Variants in ROCK2 observed in about 807,000 individuals in gnomAD.
ROCK2 encodes rho-associated protein kinase 2.
Under a neutral mutation model 195.1 loss-of-function variants are expected in ROCK2, and 61 were observed. That is an observed-to-expected ratio of 0.31 (90% CI 0.25 to 0.39). The LOEUF (loss-of-function observed/expected upper bound fraction) is 0.39, where lower values mean the gene tolerates loss of function less well. Among genes scored for constraint, ROCK2 ranks in the 10% least tolerant of loss-of-function variants. The pLI, the probability that ROCK2 is intolerant of heterozygous loss-of-function variation, is 1.00. For missense variants in ROCK2, 1,109 were observed against 1,637.4 expected (o/e 0.68, Z 5.57); for synonymous variants, 504 against 545.5 (o/e 0.92, Z 1.06).
chr2:11,190,192 A>C (rs1663363612), intron 32 of ROCK2, among the ~76,000 whole-genome samples: 1 of 152,142 alleles, frequency 6.6e-6, no homozygotes, highest in African/African-American at 2.4e-5. Flanking sequence ...AATGTATTAA[A>C]TGAATTTTTT....
At chr2:11,244,742 C>A (rs1665553533) in intron 4 of ROCK2, among the ~76,000 whole-genome samples, 1 of 150,310 alleles carries the variant, frequency 6.7e-6, no homozygotes, top group Non-Finnish European at 1.5e-5. Flanking sequence ...ACAGCCTGGG[C>A]AACAGAGTGA....
intron 9 of ROCK2, among the ~76,000 whole-genome samples, chr2:11,220,800 TC>T (rs1572262440): frequency 6.6e-6 from 1 of 152,272 alleles, no homozygotes; most frequent in East Asian, 1.9e-4. Context: ...GACCTATTTC[TC>T]CCTACTCCCA....
In ROCK2 at chr2:11,216,220, G is replaced by A. The variant is rs779150941; in HGVS notation, c.1413-14C>T. 1 of 1,572,794 alleles carries A rather than the reference G, an allele frequency of 6.4e-7. No homozygotes were observed. Among genetic ancestry groups the A allele is most frequent in the Non-Finnish European group, 8.7e-7 (1 of 1,143,892 alleles). The stretch of plus-strand genomic sequence containing the variant: ...GTATTAACAGATCTAAAGAATTTCA[G>A]AAAGAAACAGTAAATAACTTCTAAT... On this transcript the variant is annotated splice_polypyrimidine_tract_variant and intron_variant, in intron 12 of 32. Coordinates refer to ENST00000315872, the MANE Select transcript of ROCK2 (RefSeq NM_004850.5).
intron 3 of ROCK2, among the ~76,000 whole-genome samples, chr2:11,273,915 C>G (rs1223794383): frequency 8.2e-6 from 1 of 122,530 alleles, no homozygotes; most frequent in Admixed American, 1.0e-4. Context: ...GGTGACAGAG[C>G]AAGACTCCAT....
rs1464544124 is a variant in ROCK2 at position 11,208,284 on chromosome 2, T to TA, written c.2364+2dup. 7.1e-7 allele frequency: 1 copy of TA among 1,409,272 alleles called. No individual in the cohort carries two copies. The highest frequency in any genetic ancestry group is 9.4e-7 in the Non-Finnish European group (1 of 1,060,760). The allele number at this position is 1,409,272 out of a possible 1,614,324, so 87.3% of individuals were successfully genotyped here. A position where few individuals can be genotyped will look rare whatever the true frequency, so the allele number is the denominator to read the frequency against. On this transcript the variant is annotated splice_region_variant and intron_variant, in intron 19 of 32. Coordinates refer to ENST00000315872, the MANE Select transcript of ROCK2 (RefSeq NM_004850.5). ...ATTAATCATTAGTACACTTAATACT[T>TA]ACATCCTCATTTAGCACATCTTTCT...
In ROCK2 at chr2:11,222,102, A is replaced by G; in HGVS notation, c.1080T>C (p.His360=). The G allele has an allele frequency of 6.2e-7, 1 of 1,606,446 alleles. No individual in the cohort carries two copies. The highest frequency in any genetic ancestry group is 8.5e-7 in the Non-Finnish European group (1 of 1,173,558). Residue 360 remains histidine (H), a synonymous_variant, in exon 8 of 33, where the codon CAT becomes CAC. Transcript: ENST00000315872. The part of the protein sequence containing the change: ...QHPFFKNDQW[H]WDNIRETAAP... Reference sequence around the variant, plus strand: ...ACTTACTTTCTCTTATGTTATCCCAATGCCACTGATCATTCTTAAAGAAAG... The same window carrying G: ...ACTTACTTTCTCTTATGTTATCCCAGTGCCACTGATCATTCTTAAAGAAAG...
chr2:11,275,204 C>T (rs377416272), intron 3 of ROCK2, among the ~76,000 whole-genome samples: 7 of 151,906 alleles, frequency 4.6e-5, no homozygotes, highest in Middle Eastern at 3.4e-3. Flanking sequence ...TTGCAGTGAG[C>T]CGTAATCGTG....
intron 3 of ROCK2, among the ~76,000 whole-genome samples, chr2:11,265,281 G>T (rs1033015352): frequency 1.3e-5 from 2 of 152,062 alleles, no homozygotes; most frequent in Admixed American, 1.3e-4. Context: ...TCAGAAATGG[G>T]CAAGTTGGAA....
chr2:11,197,369 A>G lies in ROCK2; in HGVS notation c.3280-21T>C, dbSNP rs754480980. On this transcript the variant is annotated intron_variant, in intron 26 of 32. Transcript: ENST00000315872. The surrounding 1 kb of genome is among the most constrained non-coding windows in gnomAD (Gnocchi z 4.9). ...ATTTGCTATAAGAAATTTAATTACA[A>G]TAAGTTAATTGGATGCAACATAACT... 1.1e-5 allele frequency: 17 copies of G among 1,604,984 alleles called. No homozygotes were observed. The highest frequency in any genetic ancestry group is 8.9e-5 in the East Asian group (4 of 44,856).
chr2:11,319,991 T>C (rs959903683), intron 1 of ROCK2, among the ~76,000 whole-genome samples: 2 of 152,190 alleles, frequency 1.3e-5, no homozygotes, highest in Non-Finnish European at 2.9e-5. Flanking sequence ...ATCAGGGACC[T>C]AAGCTCCTCA....
intron 32 of ROCK2, among the ~76,000 whole-genome samples, chr2:11,185,291 T>C (rs1445350549): frequency 6.6e-6 from 1 of 152,188 alleles, no homozygotes; most frequent in Non-Finnish European, 1.5e-5. Flanking sequence ...TATGAAAAAC[T>C]AGGGACAAGG....
chr2:11,324,457 A>G (rs1227966596), intron 1 of ROCK2, among the ~76,000 whole-genome samples: 2 of 152,218 alleles, frequency 1.3e-5, no homozygotes, highest in African/African-American at 4.8e-5. Context: ...AAACAAACTT[A>G]TGTTCACACA....
rs549137267 is a variant in ROCK2, at chr2:11,279,442, A to G, written c.324+7097T>C. Among the ~76,000 whole-genome samples, 6 of 152,376 alleles carry G rather than the reference A, an allele frequency of 3.9e-5. No individual in the cohort carries two copies. The East Asian group carries it at 1.2e-3, about 29-fold the overall frequency. On this transcript the variant is annotated intron_variant, in intron 3 of 32. Coordinates refer to ENST00000315872, the MANE Select transcript of ROCK2 (RefSeq NM_004850.5). ...GTTACCAGCGATAAAAAAGGGCATTACATAACTGATAAAAGGATCAATTCT... is the reference window on the plus strand; with the variant it reads ...GTTACCAGCGATAAAAAAGGGCATTGCATAACTGATAAAAGGATCAATTCT...
At chr2:11,225,889 C>A (rs879695828) in intron 6 of ROCK2, among the ~76,000 whole-genome samples, 4 of 152,072 alleles carry the variant, frequency 2.6e-5, no homozygotes, top group Admixed American at 2.6e-4. Context: ...CAAAGCATAA[C>A]AAGATCAATG....
rs1486235916 is a variant in ROCK2 at position 11,317,604 on chromosome 2, ATATATATATTT to A, written c.141+26381_141+26391del. Among the ~76,000 whole-genome samples the A allele has an allele frequency of 4.9e-4, 8 of 16,186 alleles. 1 individual carries two copies. The highest frequency in any genetic ancestry group is 9.6e-4 in the African/African-American group (5 of 5,214). The allele number at this position is 16,186 out of a possible 152,430, so 10.6% of individuals were successfully genotyped here. A position where few individuals can be genotyped will look rare whatever the true frequency, so the allele number is the denominator to read the frequency against. On this transcript the variant is annotated intron_variant, in intron 1 of 32. Transcript: ENST00000315872. ...TATATATATATATATATATATATAT[ATATATATATTT>A]TTTTTTTTTTTTAATTATACTTTAA...
chr2:11,181,309 ATATT>A lies in ROCK2; in HGVS notation c.*2124_*2127del, dbSNP rs1359416309. The A allele has an allele frequency of 1.3e-5, 2 of 150,672 alleles. No homozygotes were observed. Among genetic ancestry groups the A allele is most frequent in the Admixed American group, 6.6e-5 (1 of 15,144 alleles). 9.3% of individuals were successfully genotyped at this position (150,672 alleles called of 1,614,324 possible). ...CTTTTAACAACTCTAATGAATGGAA[ATATT>A]TATTCTATATAAATTTATATATTTT... On this transcript the variant is annotated 3_prime_UTR_variant, in exon 33 of 33. Coordinates refer to ENST00000315872, the MANE Select transcript of ROCK2 (RefSeq NM_004850.5).
chr2:11,285,044 C>T (rs1268089494), intron 3 of ROCK2, among the ~76,000 whole-genome samples: 1 of 152,094 alleles, frequency 6.6e-6, no homozygotes, highest in Admixed American at 6.6e-5. Flanking sequence ...AGGCGGATCA[C>T]CTGAGGTCGG....
rs180882703 is a variant in ROCK2 at position 11,198,769 on chromosome 2, C to T, written c.2916G>A (p.Glu972=). 1.3e-5 allele frequency: 21 copies of T among 1,580,272 alleles called. No individual in the cohort carries two copies. In the East Asian group the frequency reaches 4.7e-4, roughly 35 times the overall value. The part of the protein sequence containing the change: ...TEKDATIASL[E]ETNRTLTSDV... ...CACTAGTTAGTGTCCTATTAGTTTC[C>T]TCAAGCTAAGAAATGAAAGAGGAAA... Residue 972 remains glutamate (E), a synonymous_variant, in exon 24 of 33, where the codon GAG becomes GAA. Coordinates refer to ENST00000315872, the MANE Select transcript of ROCK2 (RefSeq NM_004850.5).
chr2:11,215,471 T>A, intron 14 of ROCK2, 39 bp downstream of exon 14: 1 of 1,607,784 alleles, frequency 6.2e-7, no homozygotes, highest in East Asian at 2.2e-5. Context: ...CACACTTAAT[T>A]TTTTTCTTGA....
Sources: allele counts gnomAD v4.1 joint callset (sites outside exome capture counted in the v4.1 genomes callset), GRCh38; gene constraint gnomAD v4.1.1; non-coding constraint Gnocchi (gnomAD v3.1); transcripts MANE v1.5; gene names NCBI Gene and HGNC (gene_info 2026-07-23, HGNC 2026-07-21).